The following MYT1L variants were observed in gnomAD, a reference collection of about 807,000 sequenced individuals.
MYT1L encodes myelin transcription factor 1 like, also known as myelin transcription factor 1-like protein.
Under a neutral mutation model 126.7 loss-of-function variants are expected in MYT1L, and 12 were observed. The observed-to-expected ratio is 0.09, with a 90% confidence interval of 0.06 to 0.15. MYT1L has a LOEUF of 0.15. Ranked by LOEUF, MYT1L falls within the 10% of genes least tolerant of loss-of-function variation. MYT1L has a pLI of 1.00. For missense variants in MYT1L, 979 were observed against 1,585.2 expected, an observed-to-expected ratio of 0.62 and a Z score of 6.49; for synonymous variants, 541 against 604.2, an observed-to-expected ratio of 0.90 and a Z score of 1.53.
chr2:2,265,744 A>G (rs1487907102), intron 2 of MYT1L, among the ~76,000 whole-genome samples: 5 of 152,218 alleles, frequency 3.3e-5, no homozygotes, highest in East Asian at 1.9e-4. Context: ...ATGAAGTTCA[A>G]TAATCCAAAT....
intron 21 of MYT1L, among the ~76,000 whole-genome samples, chr2:1,810,902 T>C (rs2036517260): frequency 6.6e-6 from 1 of 152,110 alleles, no homozygotes; most frequent in Admixed American, 6.5e-5. Context: ...AAATAATCAT[T>C]GCTGTTGCCT....
chr2:1,834,354 AGT>A (rs1394002100), intron 21 of MYT1L, among the ~76,000 whole-genome samples: 1 of 152,192 alleles, frequency 6.6e-6, no homozygotes, highest in African/African-American at 2.4e-5. Context: ...CTTCCTAATG[AGT>A]GTATTTCTGT....
At chr2:2,209,674 A>G (rs2093437043) in intron 2 of MYT1L, among the ~76,000 whole-genome samples, 1 of 152,172 alleles carries the variant, frequency 6.6e-6, no homozygotes, top group South Asian at 2.1e-4. Flanking sequence ...TGTATGCCAC[A>G]TTTTTTTAAT....
chr2:2,138,447 A>C (rs1443258857), intron 3 of MYT1L, among the ~76,000 whole-genome samples: 1 of 142,750 alleles, frequency 7.0e-6, no homozygotes, highest in African/African-American at 2.6e-5. Context: ...ACCAACCCAA[A>C]TGTCCAACAA....
intron 18 of MYT1L, among the ~76,000 whole-genome samples, chr2:1,863,443 G>A (rs764782754): frequency 1.3e-5 from 2 of 152,218 alleles, no homozygotes; most frequent in Non-Finnish European, 2.9e-5. Flanking sequence ...CCACCCAAGG[G>A]TGAGAAGACT....
At chr2:2,303,661 C>A (rs2095818368) in intron 1 of MYT1L, 1 of 152,136 alleles carries the variant, frequency 6.6e-6, no homozygotes, top group Admixed American at 6.6e-5. Flanking sequence ...TTAGAGGACA[C>A]CGTGTTAAGA....
At chr2:1,928,364 G>C (rs2054503021) in intron 9 of MYT1L, among the ~76,000 whole-genome samples, 1 of 152,206 alleles carries the variant, frequency 6.6e-6, no homozygotes, top group Admixed American at 6.5e-5. Context: ...GGCACCTACT[G>C]CTCCCTCTGA....
chr2:2,159,905 GA>G (rs2087554743), intron 3 of MYT1L, among the ~76,000 whole-genome samples: 1 of 152,096 alleles, frequency 6.6e-6, no homozygotes, highest in African/African-American at 2.4e-5. Flanking sequence ...GGCTGTGAGT[GA>G]ATTCAAAAGC....
intron 21 of MYT1L, among the ~76,000 whole-genome samples, chr2:1,819,271 C>T (rs1055123072): frequency 2.0e-5 from 3 of 152,198 alleles, no homozygotes; most frequent in African/African-American, 7.2e-5. Context: ...TATCTCTATT[C>T]ACTCATCAGC....
At chr2:1,819,457 G>T (rs1480004936) in intron 21 of MYT1L, among the ~76,000 whole-genome samples, 3 of 152,172 alleles carry the variant, frequency 2.0e-5, no homozygotes, top group Non-Finnish European at 4.4e-5. Flanking sequence ...GAATCGAGAC[G>T]CAGAACAGCT....
At position 2,165,204 on chromosome 2, in the gene MYT1L, G is replaced by A. The variant is rs149657210; in HGVS notation, c.-304+7668C>T. ...ATCTACCTCTGACAGTTTAAAGTATGTCTGTAAGGAAATGGATGCAGTAAG... is the reference window on the plus strand; with the variant it reads ...ATCTACCTCTGACAGTTTAAAGTATATCTGTAAGGAAATGGATGCAGTAAG... On this transcript the variant is annotated intron_variant, in intron 3 of 24. Coordinates refer to ENST00000647738, the MANE Select transcript of MYT1L (RefSeq NM_001303052.2). Among the ~76,000 whole-genome samples, 16 of 152,300 alleles carry A rather than the reference G, an allele frequency of 1.1e-4. 2 individuals carry two copies. Among genetic ancestry groups the A allele is most frequent in the African/African-American group, 3.6e-4 (15 of 41,566 alleles).
At chr2:1,882,655 C>T (rs1224422977) in intron 18 of MYT1L, among the ~76,000 whole-genome samples, 4 of 152,114 alleles carry the variant, frequency 2.6e-5, no homozygotes, top group Non-Finnish European at 4.4e-5. Context: ...AAAAGATTAC[C>T]GAAATGAGGA....
chr2:2,097,729 T>C (rs978214861), intron 3 of MYT1L, among the ~76,000 whole-genome samples: 2 of 152,148 alleles, frequency 1.3e-5, no homozygotes, highest in Admixed American at 1.3e-4. Flanking sequence ...AGTGTCATGG[T>C]TGCCGGTACT....
At chr2:1,913,778 A>G (rs369761995) in intron 11 of MYT1L, among the ~76,000 whole-genome samples, 33 of 152,148 alleles carry the variant, frequency 2.2e-4, no homozygotes, top group Middle Eastern at 3.4e-3. Context: ...GCTGTGTGGG[A>G]ATGCACACTC....
intron 5 of MYT1L, among the ~76,000 whole-genome samples, chr2:1,987,499 C>T (rs2061136695): frequency 1.3e-5 from 2 of 152,164 alleles, no homozygotes; most frequent in South Asian, 2.1e-4. Flanking sequence ...TGTGCTACCC[C>T]ACACCACAGC....
chr2:2,067,543 T>A (rs1188749292), intron 3 of MYT1L, among the ~76,000 whole-genome samples: 2 of 152,032 alleles, frequency 1.3e-5, no homozygotes, highest in African/African-American at 2.4e-5. Context: ...CTGGATAACA[T>A]AACAAGATCC....
At chr2:1,857,863 T>A (rs1468062816) in intron 18 of MYT1L, among the ~76,000 whole-genome samples, 2 of 92,756 alleles carry the variant, frequency 2.2e-5, no homozygotes, top group African/African-American at 6.8e-5. Flanking sequence ...CATATTACTA[T>A]TTTTTTTTTT....
intron 4 of MYT1L, among the ~76,000 whole-genome samples, chr2:2,014,810 G>A (rs73190460): frequency 1.3e-5 from 2 of 152,250 alleles, no homozygotes; most frequent in Admixed American, 1.3e-4. Flanking sequence ...GGTTTCCGGG[G>A]AAGAAGATTC....
intron 2 of MYT1L, among the ~76,000 whole-genome samples, chr2:2,176,750 C>T (rs955315860): frequency 3.3e-5 from 5 of 152,114 alleles, no homozygotes; most frequent in African/African-American, 4.8e-5. Context: ...CTGCCTGCCT[C>T]GGCCTCCCAA....
Sources: allele counts gnomAD v4.1 joint callset (sites outside exome capture counted in the v4.1 genomes callset), GRCh38; gene constraint gnomAD v4.1.1; transcripts MANE v1.5; gene names NCBI Gene and HGNC (gene_info 2026-07-23, HGNC 2026-07-21).